INPP4B: variants seen among roughly 807,000 people sequenced by gnomAD.
INPP4B encodes the protein inositol polyphosphate-4-phosphatase type II B.
In INPP4B, 55 loss-of-function variants were observed where a neutral mutation model predicts 122.5. That is an observed-to-expected ratio of 0.45 (90% CI 0.36 to 0.56). The LOEUF (loss-of-function observed/expected upper bound fraction) is 0.56. Among genes scored for constraint, INPP4B ranks in the 20% least tolerant of loss-of-function variants. The probability of loss-of-function intolerance (pLI) is 0.00; values close to 1 mark genes in which losing one functional copy is unlikely to be tolerated. For missense variants in INPP4B, 1,000 were observed against 1,097.7 expected, an observed-to-expected ratio of 0.91 and a Z score of 1.26; for synonymous variants, 403 against 388.7, an observed-to-expected ratio of 1.04 and a Z score of -0.43.
intron 2 of INPP4B, among the ~76,000 whole-genome samples, chr4:142,544,335 A>G (rs1185155346): frequency 2.6e-5 from 4 of 152,038 alleles, no homozygotes; most frequent in African/African-American, 9.7e-5. Context: ...GTGGAAACCC[A>G]TGAGAGAAAG....
At chr4:142,187,472 T>A (rs1011834459) in intron 15 of INPP4B, among the ~76,000 whole-genome samples, 1 of 152,082 alleles carries the variant, frequency 6.6e-6, no homozygotes, top group Middle Eastern at 3.2e-3. Context: ...GTTTTATAAA[T>A]GAAGAGTATT....
intron 23 of INPP4B, among the ~76,000 whole-genome samples, chr4:142,092,966 G>T (rs539223784): frequency 4.6e-5 from 7 of 152,202 alleles, no homozygotes; most frequent in Admixed American, 4.6e-4. Context: ...AATCTGGGTG[G>T]GCTTCTGACT....
intron 2 of INPP4B, among the ~76,000 whole-genome samples, chr4:142,680,253 C>A (rs1758432091): frequency 6.6e-6 from 1 of 151,764 alleles, no homozygotes; most frequent in Non-Finnish European, 1.5e-5. Flanking sequence ...GCCAAGTACC[C>A]CAGCCAAGAA....
At chr4:142,402,839 G>A (rs539404721) in intron 7 of INPP4B, 99 bp downstream of exon 7, 162 of 755,358 alleles carry the variant, frequency 2.1e-4, no homozygotes, top group Admixed American at 3.7e-4. Flanking sequence ...TGAACACGGT[G>A]CAAATATCCT....
At chr4:142,271,615 A>G (rs1745889768) in intron 9 of INPP4B, among the ~76,000 whole-genome samples, 1 of 152,226 alleles carries the variant, frequency 6.6e-6, no homozygotes, top group Admixed American at 6.5e-5. Flanking sequence ...CCTAGCAAAC[A>G]TAAGAACATG....
At chr4:142,137,226 C>T (rs1220677761) in intron 18 of INPP4B, among the ~76,000 whole-genome samples, 1 of 151,218 alleles carries the variant, frequency 6.6e-6, no homozygotes, top group Non-Finnish European at 1.5e-5. Context: ...TCAGAAATAA[C>T]ACCGCATATC....
At chr4:142,293,040 CTT>C (rs367850143) in intron 9 of INPP4B, among the ~76,000 whole-genome samples, 4 of 145,900 alleles carry the variant, frequency 2.7e-5, no homozygotes, top group Non-Finnish European at 4.5e-5. Context: ...TTTTTATACC[CTT>C]TTTTTTTTTT....
intron 15 of INPP4B, among the ~76,000 whole-genome samples, chr4:142,176,002 G>A (rs770556623): frequency 1.0e-3 from 157 of 151,934 alleles, no homozygotes; most frequent in Non-Finnish European, 1.9e-3. Context: ...ATCAGAGATC[G>A]CTTCCTGTGT....
At chr4:142,138,207 T>TA (rs1805682125) in intron 18 of INPP4B, among the ~76,000 whole-genome samples, 1 of 151,598 alleles carries the variant, frequency 6.6e-6, no homozygotes, top group Non-Finnish European at 1.5e-5. Flanking sequence ...TATGCAGCCA[T>TA]AAAAAATGAT....
At chr4:142,402,545 T>A (rs151321869) in intron 7 of INPP4B, among the ~76,000 whole-genome samples, 1 of 152,216 alleles carries the variant, frequency 6.6e-6, no homozygotes, top group Non-Finnish European at 1.5e-5. Context: ...CTATACGGTA[T>A]GCAATACATT....
Position 142,773,697 on chromosome 4 carries a change from G to A in INPP4B, c.-253-47796C>T, listed in dbSNP as rs143647580. Among the ~76,000 whole-genome samples the A allele has an allele frequency of 5.3e-5, 8 of 152,262 alleles. No individual in the cohort carries two copies. The East Asian group carries it at 1.5e-3, about 29-fold the overall frequency. ...TCCTGAGGTTCTGTAATTTTTTAAA[G>A]CATGAGTCACAAAGTAGAGATGTGT... On this transcript the variant is annotated intron_variant, in intron 1 of 25. Coordinates refer to ENST00000262992, the MANE Select transcript of INPP4B (RefSeq NM_001101669.3).
At chr4:142,351,630 A>C (rs1481439379) in intron 7 of INPP4B, among the ~76,000 whole-genome samples, 1 of 151,976 alleles carries the variant, frequency 6.6e-6, no homozygotes, top group Non-Finnish European at 1.5e-5. Flanking sequence ...TTCCTTTTGG[A>C]CACTGAATAA....
chr4:142,260,601 G>A (rs1236130296), intron 10 of INPP4B, 37 bp from the exon 11 acceptor site: 22 of 1,140,602 alleles, frequency 1.9e-5, no homozygotes, highest in African/African-American at 1.5e-4. Flanking sequence ...AAAATTTTGA[G>A]AACAATCAAA....
At chr4:142,393,876 C>T (rs1288771312) in intron 7 of INPP4B, among the ~76,000 whole-genome samples, 2 of 152,236 alleles carry the variant, frequency 1.3e-5, no homozygotes, top group South Asian at 2.1e-4. Context: ...TTTTCCACCA[C>T]GTGGCTGCAC....
intron 16 of INPP4B, among the ~76,000 whole-genome samples, chr4:142,171,505 C>T (rs1047477275): frequency 2.6e-5 from 4 of 151,770 alleles, no homozygotes; most frequent in African/African-American, 4.8e-5. Context: ...CACTAATATT[C>T]AATTATATTT....
intron 2 of INPP4B, among the ~76,000 whole-genome samples, chr4:142,562,540 G>A (rs1346290203): frequency 1.3e-5 from 2 of 152,136 alleles, no homozygotes; most frequent in Non-Finnish European, 2.9e-5. Flanking sequence ...GCTTCAAGGA[G>A]ACCAAGAGCA....
chr4:142,554,761 T>C (rs1728788126), intron 2 of INPP4B, among the ~76,000 whole-genome samples: 1 of 152,230 alleles, frequency 6.6e-6, no homozygotes, highest in Non-Finnish European at 1.5e-5. Context: ...GAGTGTTATT[T>C]GTTAGAACTT....
intron 2 of INPP4B, among the ~76,000 whole-genome samples, chr4:142,521,425 T>C (rs998881874): frequency 2.0e-5 from 3 of 152,004 alleles, no homozygotes; most frequent in African/African-American, 7.2e-5. Flanking sequence ...TTTCAACCCA[T>C]GAAAAACCTT....
intron 11 of INPP4B, among the ~76,000 whole-genome samples, chr4:142,246,135 C>T (rs1267276669): frequency 5.4e-5 from 8 of 148,168 alleles, no homozygotes; most frequent in African/African-American, 1.8e-4. Flanking sequence ...TATACACACA[C>T]ATATATATAT....
Sources: gnomAD v4.1 joint callset for allele counts (sites outside exome capture counted in the v4.1 genomes callset) on GRCh38, gnomAD v4.1.1 for gene constraint, MANE v1.5 for transcripts, NCBI Gene and HGNC (gene_info 2026-07-23, HGNC 2026-07-21) for gene names.